The following GTF2F2 variants were observed in gnomAD, a reference collection of about 807,000 sequenced individuals.
GTF2F2 encodes the protein ATP-dependent helicase GTF2F2.
In GTF2F2, 23 loss-of-function variants were observed where a neutral mutation model predicts 42.2. The ratio of observed to expected loss-of-function variants is 0.55; its 90% CI spans 0.39 to 0.77. The LOEUF (loss-of-function observed/expected upper bound fraction) is 0.77. GTF2F2 is among the 30% of genes least tolerant of loss of function. GTF2F2 has a pLI of 0.00. For synonymous variants in GTF2F2, 105 were observed against 100.8 expected (o/e 1.04, Z -0.25); for missense variants, 261 against 287.2 (o/e 0.91, Z 0.66).
intron 5 of GTF2F2, among the ~76,000 whole-genome samples, chr13:45,225,317 A>G (rs1394630684): frequency 6.6e-6 from 1 of 151,834 alleles, no homozygotes; most frequent in East Asian, 1.9e-4. Context: ...TCAAAACCCT[A>G]TTTTTGAAAT....
chr13:45,247,976 G>A (rs1219033186), intron 5 of GTF2F2, among the ~76,000 whole-genome samples: 3 of 151,510 alleles, frequency 2.0e-5, no homozygotes, highest in Admixed American at 1.3e-4. Flanking sequence ...TCCTGAGTAG[G>A]TGTGATTACA....
At chr13:45,247,088 G>A (rs992822779) in intron 5 of GTF2F2, among the ~76,000 whole-genome samples, 13 of 150,016 alleles carry the variant, frequency 8.7e-5, no homozygotes, top group African/African-American at 3.2e-4. Context: ...TGCGGCTCAC[G>A]CCTGTAATCC....
rs567900754 is a variant in GTF2F2, at chr13:45,191,705, C to T, written c.305-15719C>T. 3.9e-5 allele frequency among the ~76,000 whole-genome samples: 6 copies of T among 152,184 alleles called. No homozygotes were observed. The East Asian group carries it at 9.6e-4, about 24-fold the overall frequency. On this transcript the variant is annotated intron_variant, in intron 4 of 7. Coordinates refer to ENST00000340473, the MANE Select transcript of GTF2F2 (RefSeq NM_004128.3). Reference sequence around the variant, plus strand: ...AAGTTACAAGGGTGGTCAGTCTAGTCAGATTTCCTTCTAGATTACTAAATT... The same window carrying T: ...AAGTTACAAGGGTGGTCAGTCTAGTTAGATTTCCTTCTAGATTACTAAATT...
chr13:45,122,471 T>C (rs1868706428), intron 1 of GTF2F2, among the ~76,000 whole-genome samples: 1 of 151,626 alleles, frequency 6.6e-6, no homozygotes, highest in South Asian at 2.1e-4. Flanking sequence ...CCATCTCTAC[T>C]AAAAATACAA....
intron 7 of GTF2F2, among the ~76,000 whole-genome samples, chr13:45,274,004 C>T (rs932292307): frequency 1.3e-5 from 2 of 152,004 alleles, no homozygotes; most frequent in African/African-American, 2.4e-5. Flanking sequence ...GATCGGTGTT[C>T]GAAGCCTCCC....
chr13:45,147,911 G>A (rs1870280961), intron 2 of GTF2F2, among the ~76,000 whole-genome samples: 1 of 152,098 alleles, frequency 6.6e-6, no homozygotes, highest in Non-Finnish European at 1.5e-5. Flanking sequence ...TCCATGACAG[G>A]TACATTTATG....
Position 45,120,597 on chromosome 13 carries a change from A to C in GTF2F2, c.-59A>C, listed in dbSNP as rs1186842420. ...CCTTTGTTCCGGACGCCCGCTCCTC[A>C]GCCCTGCGGCTCCTGGGGTCGCTGC... On this transcript the variant is annotated 5_prime_UTR_variant, in exon 1 of 8. Transcript: ENST00000340473. 5.4e-6 allele frequency: 7 copies of C among 1,303,532 alleles called. No homozygotes were observed. The highest frequency in any genetic ancestry group is 2.5e-5 in the South Asian group (2 of 79,008). 80.7% of individuals were successfully genotyped at this position (1,303,532 alleles called of 1,614,324 possible).
chr13:45,213,390 A>C (rs73181602), intron 5 of GTF2F2, among the ~76,000 whole-genome samples: 79 of 152,054 alleles, frequency 5.2e-4, no homozygotes, highest in South Asian at 1.0e-3. Flanking sequence ...TCTACCTAGG[A>C]TTTCTTATCT....
chr13:45,277,583 C>G (rs1407227911), intron 7 of GTF2F2, among the ~76,000 whole-genome samples: 1 of 152,216 alleles, frequency 6.6e-6, no homozygotes, highest in Non-Finnish European at 1.5e-5. Flanking sequence ...CACATCCAAA[C>G]TATATCACGT....
intron 4 of GTF2F2, among the ~76,000 whole-genome samples, chr13:45,159,754 T>A (rs1045089896): frequency 3.3e-5 from 5 of 152,344 alleles, no homozygotes; most frequent in Non-Finnish European, 5.9e-5. Context: ...ATTACAAGCG[T>A]TGGCCACCAT....
chr13:45,174,648 T>C (rs1240615198), intron 4 of GTF2F2, among the ~76,000 whole-genome samples: 3 of 149,812 alleles, frequency 2.0e-5, no homozygotes, highest in African/African-American at 4.9e-5. Context: ...TTTTTTTTTT[T>C]TTTTTTTAGA....
chr13:45,162,653 G>T (rs1218227736), intron 4 of GTF2F2, among the ~76,000 whole-genome samples: 1 of 152,132 alleles, frequency 6.6e-6, no homozygotes, highest in Admixed American at 6.5e-5. Context: ...TCATATTCAG[G>T]TATTCATGCA....
intron 4 of GTF2F2, among the ~76,000 whole-genome samples, chr13:45,179,188 C>A (rs1216610644): frequency 6.6e-6 from 1 of 152,194 alleles, no homozygotes; most frequent in East Asian, 1.9e-4. Context: ...TAGACCCCAC[C>A]TCTTGATGAA....
At chr13:45,219,957 C>T (rs1205345470) in intron 5 of GTF2F2, among the ~76,000 whole-genome samples, 1 of 152,030 alleles carries the variant, frequency 6.6e-6, no homozygotes, top group Non-Finnish European at 1.5e-5. Flanking sequence ...CATATATGGG[C>T]GTGGTGAGGT....
At chr13:45,255,402 C>T (rs1354306219) in intron 6 of GTF2F2, among the ~76,000 whole-genome samples, 5 of 152,120 alleles carry the variant, frequency 3.3e-5, no homozygotes, top group Non-Finnish European at 7.4e-5. Flanking sequence ...TAAATACATT[C>T]ACATTTTGAA....
intron 5 of GTF2F2, among the ~76,000 whole-genome samples, chr13:45,208,603 T>G (rs1023087267): frequency 1.3e-5 from 2 of 152,190 alleles, no homozygotes; most frequent in African/African-American, 4.8e-5. Context: ...AAGACACTGC[T>G]GAAGTAGTGG....
chr13:45,134,967 T>TA, intron 1 of GTF2F2, among the ~76,000 whole-genome samples: 1 of 152,000 alleles, frequency 6.6e-6, no homozygotes, highest in Non-Finnish European at 1.5e-5. Context: ...TTTTTTTTTT[T>TA]TTTGACACAA....
At chr13:45,187,582 C>T (rs997392198) in intron 4 of GTF2F2, among the ~76,000 whole-genome samples, 5 of 152,124 alleles carry the variant, frequency 3.3e-5, no homozygotes, top group African/African-American at 7.2e-5. Flanking sequence ...TCTGTCCAGC[C>T]TATTTTCCTT....
At chr13:45,136,203 T>C (rs188555834) in intron 1 of GTF2F2, among the ~76,000 whole-genome samples, 3 of 152,358 alleles carry the variant, frequency 2.0e-5, no homozygotes, top group African/African-American at 7.2e-5. Flanking sequence ...GGATTAAATG[T>C]GTCAATCTAT....
Sources: allele counts gnomAD v4.1 joint callset (sites outside exome capture counted in the v4.1 genomes callset), GRCh38; gene constraint gnomAD v4.1.1; transcripts MANE v1.5; gene names NCBI Gene and HGNC (gene_info 2026-07-23, HGNC 2026-07-21).